OXCT1: variants seen among roughly 807,000 people sequenced by gnomAD.
The protein encoded by OXCT1 is succinyl-CoA:3-ketoacid coenzyme A transferase 1, mitochondrial.
In OXCT1, 27 loss-of-function variants were observed where a neutral mutation model predicts 69.6. The ratio of observed to expected loss-of-function variants is 0.39; its 90% confidence interval spans 0.29 to 0.54. The LOEUF (loss-of-function observed/expected upper bound fraction) is 0.54. OXCT1 is among the 20% of genes least tolerant of loss of function. The pLI is 0.72. For synonymous variants in OXCT1, 202 were observed against 217.8 expected (o/e 0.93, Z 0.64); for missense variants, 437 against 650.2 (o/e 0.67, Z 3.57).
chr5:41,837,753 T>A (rs1748440374), intron 7 of OXCT1, among the ~76,000 whole-genome samples: 1 of 152,158 alleles, frequency 6.6e-6, no homozygotes. Context: ...ATGGAAGCAT[T>A]TCATTACATA....
At chr5:41,821,754 C>G (rs909968835) in intron 7 of OXCT1, among the ~76,000 whole-genome samples, 1 of 152,100 alleles carries the variant, frequency 6.6e-6, no homozygotes, top group African/African-American at 2.4e-5. Context: ...GGTAAGGTGC[C>G]TGTTCAGATT....
At chr5:41,857,168 G>C (rs1012842505) in intron 3 of OXCT1, among the ~76,000 whole-genome samples, 1 of 152,112 alleles carries the variant, frequency 6.6e-6, no homozygotes, top group Admixed American at 6.6e-5. Flanking sequence ...GCACTATCTT[G>C]CCAGGGTACT....
intron 14 of OXCT1, among the ~76,000 whole-genome samples, chr5:41,750,135 G>GTTTTTTTTTTTTTTTTTTTTTTTTTTTTT (rs11291155): frequency 1.4e-5 from 1 of 73,924 alleles, no homozygotes; most frequent in Non-Finnish European, 2.5e-5. Flanking sequence ...GTGTTTTTTG[G>GTTTTTTTTTTTTTTTTTTTTTTTTTTTTT]TTTTTTTTTT....
intron 5 of OXCT1, among the ~76,000 whole-genome samples, chr5:41,846,954 T>C (rs1279177741): frequency 1.3e-5 from 2 of 152,232 alleles, no homozygotes; most frequent in Non-Finnish European, 2.9e-5. Flanking sequence ...GTTCATGTCC[T>C]TCGCCCACTT....
At chr5:41,738,512 T>G (rs1743001567) in intron 16 of OXCT1, among the ~76,000 whole-genome samples, 1 of 152,206 alleles carries the variant, frequency 6.6e-6, no homozygotes, top group Admixed American at 6.5e-5. Context: ...TCCTTCACCT[T>G]CTGCCATGAT....
At position 41,764,596 on chromosome 5, in the gene OXCT1, ATAAG is replaced by A. The variant is rs1744508369; in HGVS notation, c.1249-2400_1249-2397del. ...ACCTCTCTCTTATCACAAAGTACAGATAAGTGTCTTTTCCCTAAGCCTTTATACT... is the reference window on the plus strand; with the variant it reads ...ACCTCTCTCTTATCACAAAGTACAGATGTCTTTTCCCTAAGCCTTTATACT... On this transcript the variant is annotated intron_variant, in intron 13 of 16. Transcript: ENST00000196371. Among the ~76,000 whole-genome samples, 3 of 152,298 alleles carry A rather than the reference ATAAG, an allele frequency of 2.0e-5. No individual in the cohort carries two copies. In the South Asian group the frequency reaches 6.2e-4, roughly 32 times the overall value.
chr5:41,757,840 T>C (rs990854137), intron 14 of OXCT1, among the ~76,000 whole-genome samples: 1 of 152,064 alleles, frequency 6.6e-6, no homozygotes, highest in African/African-American at 2.4e-5. Flanking sequence ...GACCTTAAGT[T>C]CTGCGGGCAA....
chr5:41,757,164 G>T (rs1212762118), intron 14 of OXCT1, among the ~76,000 whole-genome samples: 1 of 152,094 alleles, frequency 6.6e-6, no homozygotes, highest in Non-Finnish European at 1.5e-5. Flanking sequence ...GCCACTGTGT[G>T]TGTTTAAGTG....
At chr5:41,816,797 C>T (rs1747267281) in intron 7 of OXCT1, among the ~76,000 whole-genome samples, 1 of 152,174 alleles carries the variant, frequency 6.6e-6, no homozygotes, top group Admixed American at 6.5e-5. Flanking sequence ...ATGATCTGGT[C>T]TCATATGAAA....
At chr5:41,768,837 C>T (rs1014784324) in intron 13 of OXCT1, among the ~76,000 whole-genome samples, 9 of 152,166 alleles carry the variant, frequency 5.9e-5, no homozygotes, top group African/African-American at 2.2e-4. Context: ...TGCATAAAAC[C>T]CTTCAGCGCT....
At chr5:41,754,207 G>C (rs549749139) in intron 14 of OXCT1, among the ~76,000 whole-genome samples, 85 of 138,582 alleles carry the variant, frequency 6.1e-4, no homozygotes, top group African/African-American at 2.2e-3. Context: ...TACTTTGTCT[G>C]GTAGAACAAG....
At chr5:41,852,533 T>C (rs1332833818) in intron 4 of OXCT1, among the ~76,000 whole-genome samples, 2 of 152,220 alleles carry the variant, frequency 1.3e-5, no homozygotes, top group Admixed American at 6.5e-5. Context: ...CTCATTTTAC[T>C]TAAAGATTTC....
chr5:41,841,116 G>A (rs1748607859), intron 6 of OXCT1, among the ~76,000 whole-genome samples: 1 of 152,190 alleles, frequency 6.6e-6, no homozygotes, highest in African/African-American at 2.4e-5. Context: ...TCTAGCAGGT[G>A]CCAATTTTGC....
At chr5:41,770,289 G>A (rs778458656) in intron 13 of OXCT1, among the ~76,000 whole-genome samples, 1 of 148,598 alleles carries the variant, frequency 6.7e-6, no homozygotes, top group Non-Finnish European at 1.5e-5. Context: ...AAAAAAAGAG[G>A]TGGCTAAAAT....
chr5:41,819,995 T>A (rs2112326976), intron 7 of OXCT1, among the ~76,000 whole-genome samples: 1 of 152,282 alleles, frequency 6.6e-6, no homozygotes, highest in East Asian at 1.9e-4. Flanking sequence ...AGCTGGGTTC[T>A]AATCTAGAGT....
intron 10 of OXCT1, among the ~76,000 whole-genome samples, chr5:41,802,071 CT>C (rs1746449699): frequency 6.6e-6 from 1 of 151,976 alleles, no homozygotes; most frequent in Non-Finnish European, 1.5e-5. Flanking sequence ...ATTTATTTCC[CT>C]TTTCTTCAAA....
chr5:41,800,753 A>G (rs887652470), intron 11 of OXCT1, among the ~76,000 whole-genome samples: 3 of 151,908 alleles, frequency 2.0e-5, no homozygotes, highest in Admixed American at 6.6e-5. Context: ...ACTCTCAATT[A>G]CCCCATATAA....
In OXCT1 at chr5:41,842,696, C is replaced by A. The variant is rs142383658; in HGVS notation, c.650G>T (p.Arg217Leu). 876 of 1,612,892 alleles carry A rather than the reference C, an allele frequency of 5.4e-4. 2 individuals carry two copies. The African/African-American group carries it at 0.01, about 19-fold the overall frequency. ...ATACCTGAAAATCACGTTTCCTGCTCGGTCCGCCTTCCAGGCTTTCACCAA... is the reference window on the plus strand; with the variant it reads ...ATACCTGAAAATCACGTTTCCTGCTAGGTCCGCCTTCCAGGCTTTCACCAA... ...FALVKAWKAD[R>L]AGNVIFRKSA... Residue 217 changes from arginine to leucine, a missense_variant, in exon 6 of 17, where the codon CGA becomes CTA. Coordinates refer to ENST00000196371, the MANE Select transcript of OXCT1 (RefSeq NM_000436.4).
At chr5:41,741,166 G>A (rs780805309) in intron 15 of OXCT1, among the ~76,000 whole-genome samples, 4 of 152,048 alleles carry the variant, frequency 2.6e-5, no homozygotes, top group Non-Finnish European at 4.4e-5. Flanking sequence ...TGGTCAGGCT[G>A]GTCTCAAATT....
Sources: allele counts gnomAD v4.1 joint callset (sites outside exome capture counted in the v4.1 genomes callset), GRCh38; gene constraint gnomAD v4.1.1; transcripts MANE v1.5; gene names NCBI Gene and HGNC (gene_info 2026-07-23, HGNC 2026-07-21).